Variants in MTA1 observed in about 807,000 individuals in gnomAD.
The protein encoded by MTA1 is metastasis-associated protein MTA1.
A neutral mutation model predicts 97.0 loss-of-function variants in MTA1; 15 were observed. The ratio of observed to expected loss-of-function variants is 0.15; its 90% CI spans 0.10 to 0.24. MTA1 has a LOEUF of 0.24. Among genes scored for constraint, MTA1 ranks in the 10% least tolerant of loss-of-function variants. The probability of loss-of-function intolerance (pLI) is 1.00; values close to 1 mark genes in which losing one functional copy is unlikely to be tolerated. For synonymous variants in MTA1, 435 were observed against 417.5 expected (o/e 1.04, Z -0.51); for missense variants, 709 against 1,015.1 (o/e 0.70, Z 4.10).
intron 3 of MTA1, among the ~76,000 whole-genome samples, chr14:105,446,586 A>G (rs1306394820): frequency 2.6e-5 from 4 of 152,230 alleles, no homozygotes; most frequent in Non-Finnish European, 4.4e-5. Flanking sequence ...GGAGGGGCTT[A>G]GGGACAGGAC....
At chr14:105,468,260 G>A (rs587666618) in intron 18 of MTA1, 69 of 1,272,542 alleles carry the variant, frequency 5.4e-5, no homozygotes, top group East Asian at 4.5e-4. Flanking sequence ...CCCCACCTGC[G>A]GGGCCTGCAG....
At chr14:105,449,199 T>G in intron 3 of MTA1, 160 bp from the exon 4 acceptor site, 5 of 599,514 alleles carry the variant, frequency 8.3e-6, no homozygotes, top group Admixed American at 3.3e-5. Context: ...GAGGCCCAGA[T>G]GATCTTCAAC....
In MTA1 at chr14:105,463,313, C is replaced by T. The variant is rs2083434178; in HGVS notation, c.1017+55C>T. 1 of 1,588,452 alleles carries T rather than the reference C, an allele frequency of 6.3e-7. No homozygotes were observed. Among genetic ancestry groups the T allele is most frequent in the East Asian group, 2.2e-5 (1 of 44,704 alleles). ...GTGTGCCGCCTCCCCGTCCTGCGCCCCATCCTCTCCCAGCAGGTGGGCGTG... is the reference window on the plus strand; with the variant it reads ...GTGTGCCGCCTCCCCGTCCTGCGCCTCATCCTCTCCCAGCAGGTGGGCGTG... On this transcript the variant is annotated intron_variant, in intron 11 of 20. Coordinates refer to ENST00000331320, the MANE Select transcript of MTA1 (RefSeq NM_004689.4). The surrounding 1 kb of genome is among the most constrained non-coding windows in gnomAD (Gnocchi z 5.9).
At chr14:105,430,641 A>G (rs2082150821) in intron 1 of MTA1, among the ~76,000 whole-genome samples, 1 of 152,232 alleles carries the variant, frequency 6.6e-6, no homozygotes, top group African/African-American at 2.4e-5. Context: ...GCAAAGCATC[A>G]TCAAGCTAAG....
chr14:105,455,438 C>T (rs587707776), intron 7 of MTA1, among the ~76,000 whole-genome samples: 6 of 152,354 alleles, frequency 3.9e-5, no homozygotes, highest in Non-Finnish European at 7.3e-5. Flanking sequence ...CTCATCTCCC[C>T]GCTGGGCAAG....
chr14:105,465,294 C>A, intron 16 of MTA1, 111 bp downstream of exon 16: 1 of 933,574 alleles, frequency 1.1e-6, no homozygotes, highest in Non-Finnish European at 1.5e-6. Context: ...TCCTGGACAG[C>A]CCCCCAGGGC....
chr14:105,460,926 G>A lies in MTA1; in HGVS notation c.915G>A (p.Lys305=). 2 of 1,611,702 alleles carry A rather than the reference G, an allele frequency of 1.2e-6. No homozygotes were observed. Among genetic ancestry groups the A allele is most frequent in the Non-Finnish European group, 1.7e-6 (2 of 1,179,330 alleles). Residue 305 remains lysine, a synonymous_variant, in exon 10 of 21, where the codon AAG becomes AAA. Transcript: ENST00000331320. The part of the protein sequence containing the change: ...LFEEALEKYG[K]DFTDIQQDFL... ...AGGAAGCCCTGGAAAAATATGGGAAGGATTTCACGGACATTCAGCAAGATT... is the reference window on the plus strand; with the variant it reads ...AGGAAGCCCTGGAAAAATATGGGAAAGATTTCACGGACATTCAGCAAGATT...
rs1199971381 is a variant in MTA1 at position 105,470,360 on chromosome 14, G to T, written c.*145G>T. ...GAAACGCGCTCCTTGGCGGACACTGGGGGAGGAGAGGAAGAAGCGCGGCTA... is the reference window on the plus strand; with the variant it reads ...GAAACGCGCTCCTTGGCGGACACTGTGGGAGGAGAGGAAGAAGCGCGGCTA... On this transcript the variant is annotated 3_prime_UTR_variant, in exon 21 of 21. Transcript: ENST00000331320. The T allele has an allele frequency of 4.7e-6, 3 of 632,588 alleles. No individual in the cohort carries two copies. The highest frequency in any genetic ancestry group is 4.2e-5 in the Admixed American group (1 of 23,906). 39.2% of individuals were successfully genotyped at this position (632,588 alleles called of 1,614,324 possible).
rs782512840 is a variant in MTA1, at chr14:105,469,477, C to T, written c.1824C>T (p.Asn608=). The T allele has an allele frequency of 1.2e-6, 2 of 1,612,990 alleles. No individual in the cohort carries two copies. The highest frequency in any genetic ancestry group is 1.3e-5 in the African/African-American group (1 of 75,038). ...RLLMPSRGLA[N]HGQARHMGPS... ...TCCATTTCTCATCAGGTCTGGCAAA[C>T]CACGGACAGGCCAGGCACATGGTAA... Residue 608 remains asparagine (N), a synonymous_variant, in exon 19 of 21, where the codon AAC becomes AAT. Coordinates refer to ENST00000331320, the MANE Select transcript of MTA1 (RefSeq NM_004689.4).
chr14:105,420,826 G>C lies in MTA1; in HGVS notation c.28+763G>C. 6.6e-6 allele frequency among the ~76,000 whole-genome samples: 1 copy of C among 152,164 alleles called. No individual in the cohort carries two copies. The highest frequency in any genetic ancestry group is 1.9e-4 in the East Asian group (1 of 5,190). ...CCTTCGTGTGCCTGGGACTCCGTGGGGTCTTTCACAGGAAGGTGGGGGGTC... is the reference window on the plus strand; with the variant it reads ...CCTTCGTGTGCCTGGGACTCCGTGGCGTCTTTCACAGGAAGGTGGGGGGTC... On this transcript the variant is annotated intron_variant, in intron 1 of 20. Coordinates refer to ENST00000331320, the MANE Select transcript of MTA1 (RefSeq NM_004689.4). The surrounding 1 kb of genome is among the most constrained non-coding windows in gnomAD (Gnocchi z 5.3).
At chr14:105,457,663 C>T (rs1219404089) in intron 7 of MTA1, among the ~76,000 whole-genome samples, 3 of 152,252 alleles carry the variant, frequency 2.0e-5, no homozygotes, top group Admixed American at 2.0e-4. Context: ...CGGTGGCTCA[C>T]GCCTATGATC....
intron 1 of MTA1, among the ~76,000 whole-genome samples, chr14:105,430,417 A>G (rs1449063100): frequency 3.3e-5 from 5 of 152,306 alleles, no homozygotes; most frequent in Middle Eastern, 6.8e-3. Context: ...ATGGCTCATG[A>G]TGCCCAAAAC....
In MTA1 at chr14:105,420,579, A is replaced by C. The variant is rs2141374567; in HGVS notation, c.28+516A>C. Among the ~76,000 whole-genome samples the C allele has an allele frequency of 6.6e-6, 1 of 152,226 alleles. No homozygotes were observed. Among genetic ancestry groups the C allele is most frequent in the Non-Finnish European group, 1.5e-5 (1 of 67,968 alleles). ...GCAGCCTGGCCCCGGGGCTTCCCCC[A>C]GCAGGGATCCCTCAGGGGGTCTTCA... On this transcript the variant is annotated intron_variant, in intron 1 of 20. Coordinates refer to ENST00000331320, the MANE Select transcript of MTA1 (RefSeq NM_004689.4). The surrounding 1 kb of genome is among the most constrained non-coding windows in gnomAD (Gnocchi z 5.3).
intron 6 of MTA1, among the ~76,000 whole-genome samples, chr14:105,451,576 A>G (rs2141588654): frequency 6.6e-6 from 1 of 152,336 alleles, no homozygotes; most frequent in East Asian, 1.9e-4. Context: ...GTGAGACTGC[A>G]GAAATGTATC....
At chr14:105,441,096 C>A (rs10133973) in intron 2 of MTA1, among the ~76,000 whole-genome samples, 1 of 152,042 alleles carries the variant, frequency 6.6e-6, no homozygotes, top group Non-Finnish European at 1.5e-5. Context: ...TGGCTGGCAG[C>A]GCGGAAGGCC....
intron 2 of MTA1, among the ~76,000 whole-genome samples, chr14:105,442,150 G>C (rs1555425908): frequency 6.6e-6 from 1 of 152,206 alleles, no homozygotes; most frequent in African/African-American, 2.4e-5. Flanking sequence ...TAAAATTTTA[G>C]AACACGGGAG....
rs2082399966 is a variant in MTA1 at position 105,438,547 on chromosome 14, C to T, written c.29-125C>T. 6 of 816,814 alleles carry T rather than the reference C, an allele frequency of 7.3e-6. No homozygotes were observed. The South Asian group carries it at 9.0e-5, about 12-fold the overall frequency. The allele number at this position is 816,814 out of a possible 1,614,324, so 50.6% of individuals were successfully genotyped here. On this transcript the variant is annotated intron_variant, in intron 1 of 20. Coordinates refer to ENST00000331320, the MANE Select transcript of MTA1 (RefSeq NM_004689.4). ...TTCGCTTCCTCTGTTTATTCCTCGC[C>T]TGAGGGAGCAGAGGTGAGGGGATGA...
At chr14:105,450,676 TG>T (rs1194152029) in intron 6 of MTA1, among the ~76,000 whole-genome samples, 2 of 152,138 alleles carry the variant, frequency 1.3e-5, no homozygotes, top group Non-Finnish European at 2.9e-5. Context: ...TGGTCTCTCC[TG>T]GGCGGTGGGC....
chr14:105,465,264 AG>A, intron 16 of MTA1, 81 bp downstream of exon 16: 1 of 1,244,064 alleles, frequency 8.0e-7, no homozygotes, highest in Non-Finnish European at 1.1e-6. Flanking sequence ...TGGTGCTCCC[AG>A]CCTTCTCTAG....
Sources: allele counts gnomAD v4.1 joint callset (sites outside exome capture counted in the v4.1 genomes callset), GRCh38; gene constraint gnomAD v4.1.1; non-coding constraint Gnocchi (gnomAD v3.1); transcripts MANE v1.5; gene names NCBI Gene and HGNC (gene_info 2026-07-23, HGNC 2026-07-21).